The following MIPOL1 variants were observed in gnomAD, a reference collection of about 807,000 sequenced individuals.
The protein encoded by MIPOL1 is mirror-image polydactyly gene 1 protein.
A neutral mutation model predicts 60.9 loss-of-function variants in MIPOL1; 57 were observed. That is an observed-to-expected ratio of 0.94 (90% CI 0.76 to 1.17). The LOEUF (loss-of-function observed/expected upper bound fraction) is 1.17. Among genes scored for constraint, MIPOL1 ranks in the 50% most tolerant of loss-of-function variants. The probability of loss-of-function intolerance (pLI) is 0.00; values close to 1 mark genes in which losing one functional copy is unlikely to be tolerated. For synonymous variants in MIPOL1, 179 were observed against 168.8 expected (o/e 1.06, Z -0.47); for missense variants, 551 against 511.6 (o/e 1.08, Z -0.74).
At chr14:37,258,093 A>G (rs1975258239) in intron 3 of MIPOL1, among the ~76,000 whole-genome samples, 1 of 152,162 alleles carries the variant, frequency 6.6e-6, no homozygotes, top group African/African-American at 2.4e-5. Context: ...AAGACCAAAC[A>G]CAATCATCCA....
chr14:37,504,414 C>A (rs1199508652), intron 12 of MIPOL1: 2 of 152,230 alleles, frequency 1.3e-5, no homozygotes, highest in Non-Finnish European at 2.9e-5. Context: ...GTCTCTCAGA[C>A]CACAGTGCAA....
intron 7 of MIPOL1, among the ~76,000 whole-genome samples, chr14:37,300,342 C>T (rs2086262162): frequency 7.0e-6 from 1 of 142,502 alleles, no homozygotes; most frequent in African/African-American, 2.6e-5. Context: ...TTTATTCAGC[C>T]ATTTGTGTCA....
At chr14:37,520,814 T>C (rs2095407471) in intron 12 of MIPOL1, among the ~76,000 whole-genome samples, 1 of 151,948 alleles carries the variant, frequency 6.6e-6, no homozygotes, top group Non-Finnish European at 1.5e-5. Flanking sequence ...AATGAAATAT[T>C]AAGTTGGGTT....
chr14:37,523,957 A>G (rs187936316), intron 12 of MIPOL1, among the ~76,000 whole-genome samples: 1 of 152,300 alleles, frequency 6.6e-6, no homozygotes, highest in African/African-American at 2.4e-5. Context: ...AGCCAAAGCA[A>G]ATAACTTGGC....
At chr14:37,363,281 A>T (rs770459439) in intron 9 of MIPOL1, among the ~76,000 whole-genome samples, 1 of 152,104 alleles carries the variant, frequency 6.6e-6, no homozygotes, top group Non-Finnish European at 1.5e-5. Context: ...TTTTTGACCT[A>T]CAGTTGGGGT....
intron 11 of MIPOL1, among the ~76,000 whole-genome samples, chr14:37,496,644 A>G (rs552265267): frequency 5.9e-5 from 9 of 151,416 alleles, no homozygotes; most frequent in Non-Finnish European, 1.2e-4. Context: ...GCTCAATGAA[A>G]TAAAAGAGGA....
At chr14:37,380,112 T>C (rs2092885887) in intron 10 of MIPOL1, among the ~76,000 whole-genome samples, 1 of 152,042 alleles carries the variant, frequency 6.6e-6, no homozygotes, top group Non-Finnish European at 1.5e-5. Context: ...TAGGCCTGGG[T>C]CCATGTAGAC....
chr14:37,236,181 C>T (rs1971447040), intron 1 of MIPOL1, among the ~76,000 whole-genome samples: 1 of 152,104 alleles, frequency 6.6e-6, no homozygotes. Context: ...CCACCTTGGC[C>T]TCCCAAACTG....
At chr14:37,377,175 T>A (rs1023484204) in intron 10 of MIPOL1, among the ~76,000 whole-genome samples, 2 of 152,150 alleles carry the variant, frequency 1.3e-5, no homozygotes, top group Non-Finnish European at 2.9e-5. Flanking sequence ...TTATTTCCAG[T>A]CATACTCTCC....
At chr14:37,349,704 TG>T (rs1205221423) in intron 9 of MIPOL1, among the ~76,000 whole-genome samples, 1 of 152,250 alleles carries the variant, frequency 6.6e-6, no homozygotes, top group Non-Finnish European at 1.5e-5. Flanking sequence ...GCCTTTAACC[TG>T]TTTTTCTTCA....
intron 9 of MIPOL1, among the ~76,000 whole-genome samples, chr14:37,351,678 C>A (rs1204850093): frequency 7.2e-6 from 1 of 138,684 alleles, no homozygotes; most frequent in Non-Finnish European, 1.6e-5. Flanking sequence ...AGCATTTTTT[C>A]ATGTGTTTTT....
intron 10 of MIPOL1, among the ~76,000 whole-genome samples, chr14:37,376,745 A>T (rs1035347983): frequency 1.3e-5 from 2 of 152,242 alleles, no homozygotes; most frequent in Middle Eastern, 3.4e-3. Flanking sequence ...ATAAACACCC[A>T]TGTGCATTTT....
At chr14:37,544,722 C>A (rs796449366) in intron 12 of MIPOL1, among the ~76,000 whole-genome samples, 1 of 152,206 alleles carries the variant, frequency 6.6e-6, no homozygotes, top group African/African-American at 2.4e-5. Flanking sequence ...TAATTGACAT[C>A]TTTCTCATTT....
intron 11 of MIPOL1, among the ~76,000 whole-genome samples, chr14:37,438,929 T>C (rs2094202170): frequency 6.6e-6 from 1 of 152,242 alleles, no homozygotes; most frequent in Non-Finnish European, 1.5e-5. Flanking sequence ...TATTGTTGTT[T>C]TATCTGTGCT....
intron 9 of MIPOL1, among the ~76,000 whole-genome samples, chr14:37,313,533 A>C (rs2087571855): frequency 6.6e-6 from 1 of 152,148 alleles, no homozygotes; most frequent in Non-Finnish European, 1.5e-5. Context: ...GACCTGAATA[A>C]GTCAGGTATG....
intron 7 of MIPOL1, among the ~76,000 whole-genome samples, chr14:37,286,188 A>G (rs2084549289): frequency 6.6e-6 from 1 of 152,106 alleles, no homozygotes; most frequent in South Asian, 2.1e-4. Flanking sequence ...TGTTTTTTAA[A>G]TGTGAGTGAT....
rs1242273279 is a variant in MIPOL1 at position 37,550,171 on chromosome 14, T to TTCAG, written c.*3204_*3207dup. 6.6e-6 allele frequency: 1 copy of TTCAG among 151,266 alleles called. No individual in the cohort carries two copies. Among genetic ancestry groups the TTCAG allele is most frequent in the Non-Finnish European group, 1.5e-5 (1 of 67,664 alleles). The allele number at this position is 151,266 out of a possible 1,614,324, so 9.4% of individuals were successfully genotyped here. On this transcript the variant is annotated 3_prime_UTR_variant, in exon 13 of 13. Transcript: ENST00000684589. ...TTGTATATTTCCTTATTCAAATAAATTCAGTCATCTTCTTATCAGGTTGCT... is the reference window on the plus strand; with the variant it reads ...TTGTATATTTCCTTATTCAAATAAATTCAGTCAGTCATCTTCTTATCAGGTTGCT...
chr14:37,375,516 TCA>T (rs1214305485), intron 10 of MIPOL1, among the ~76,000 whole-genome samples: 2 of 152,142 alleles, frequency 1.3e-5, no homozygotes, highest in Non-Finnish European at 2.9e-5. Flanking sequence ...ACCTTCCTAC[TCA>T]CACATTTCCT....
At chr14:37,285,596 C>CA in intron 7 of MIPOL1, 149 bp downstream of exon 7, 1 of 612,960 alleles carries the variant, frequency 1.6e-6, no homozygotes, top group Non-Finnish European at 2.4e-6. Flanking sequence ...TTTTTCTTTT[C>CA]TTTTTTTTTT....
Sources: gnomAD v4.1 joint callset for allele counts (sites outside exome capture counted in the v4.1 genomes callset) on GRCh38, gnomAD v4.1.1 for gene constraint, MANE v1.5 for transcripts, NCBI Gene and HGNC (gene_info 2026-07-23, HGNC 2026-07-21) for gene names.